VPS13B: variants seen among roughly 807,000 people sequenced by gnomAD.
The protein encoded by VPS13B is intermembrane lipid transfer protein VPS13B.
Under a neutral mutation model 426.4 loss-of-function variants are expected in VPS13B, and 285 were observed. The ratio of observed to expected loss-of-function variants is 0.67; its 90% CI spans 0.61 to 0.74. The LOEUF (loss-of-function observed/expected upper bound fraction) is 0.74, where lower values mean the gene tolerates loss of function less well. Ranked by LOEUF, VPS13B falls within the 30% of genes least tolerant of loss-of-function variation. The pLI is 0.00. For synonymous variants in VPS13B, 1,676 were observed against 1,676.4 expected (o/e 1.00, Z 0.01); for missense variants, 4,537 against 4,782.6 (o/e 0.95, Z 1.51).
At chr8:99,287,857 A>T (rs1376871259) in intron 19 of VPS13B, among the ~76,000 whole-genome samples, 2 of 152,054 alleles carry the variant, frequency 1.3e-5, no homozygotes, top group Non-Finnish European at 2.9e-5. Flanking sequence ...TGTCCATAAA[A>T]GTCTGGCAGG....
intron 33 of VPS13B, among the ~76,000 whole-genome samples, chr8:99,584,680 T>C (rs577824340): frequency 1.3e-5 from 2 of 152,186 alleles, no homozygotes; most frequent in East Asian, 1.9e-4. Flanking sequence ...ATTAGACTTA[T>C]GAGTCCAGGG....
At chr8:99,445,428 G>A (rs184645996) in intron 23 of VPS13B, among the ~76,000 whole-genome samples, 45 of 149,554 alleles carry the variant, frequency 3.0e-4, no homozygotes, top group African/African-American at 1.1e-3. Context: ...TCGCACCACT[G>A]CACTCCAGCC....
At chr8:99,244,225 A>G (rs1009503857) in intron 17 of VPS13B, among the ~76,000 whole-genome samples, 57 of 152,396 alleles carry the variant, frequency 3.7e-4, no homozygotes, top group African/African-American at 1.3e-3. Context: ...AAAGAAGTAT[A>G]ACTGGCATTC....
At chr8:99,560,123 A>ATG (rs1824827487) in intron 31 of VPS13B, among the ~76,000 whole-genome samples, 1 of 152,076 alleles carries the variant, frequency 6.6e-6, no homozygotes, top group African/African-American at 2.4e-5. Context: ...GGTCCTTCCC[A>ATG]TCCCTTGTAA....
intron 40 of VPS13B, among the ~76,000 whole-genome samples, chr8:99,774,326 A>G (rs74917941): frequency 0.038 from 5,816 of 152,274 alleles, 120 homozygotes; most frequent in East Asian, 0.047. Context: ...ACTAATGCTT[A>G]CTGGAGTATG....
chr8:99,549,918 C>A (rs1824188684), intron 30 of VPS13B, among the ~76,000 whole-genome samples: 1 of 152,066 alleles, frequency 6.6e-6, no homozygotes, highest in Admixed American at 6.6e-5. Flanking sequence ...TGTTGCCTTC[C>A]TCTTTCCTGG....
chr8:99,522,222 A>G (rs1028549605), intron 30 of VPS13B, among the ~76,000 whole-genome samples: 3 of 152,152 alleles, frequency 2.0e-5, no homozygotes, highest in Non-Finnish European at 4.4e-5. Context: ...AGAATACTTT[A>G]ATTTTCTAAC....
chr8:99,391,528 A>C (rs768899769), intron 20 of VPS13B, 29 bp from the exon 21 acceptor site: 1 of 1,614,004 alleles, frequency 6.2e-7, no homozygotes, highest in Non-Finnish European at 8.5e-7. Flanking sequence ...ACTAAAAACT[A>C]AAAAGGTTTT....
intron 33 of VPS13B, among the ~76,000 whole-genome samples, chr8:99,639,075 C>T (rs1307669625): frequency 3.3e-5 from 5 of 152,112 alleles, no homozygotes; most frequent in South Asian, 4.1e-4. Flanking sequence ...TCAGTCATTG[C>T]AGTAACTCTC....
At chr8:99,088,768 G>T (rs1206322690) in intron 3 of VPS13B, among the ~76,000 whole-genome samples, 2 of 152,052 alleles carry the variant, frequency 1.3e-5, no homozygotes, top group Non-Finnish European at 2.9e-5. Context: ...TAAATTTCTT[G>T]GACTAATAGG....
rs1554824649 is a variant in VPS13B at position 99,507,138 on chromosome 8, C to A, written c.4159C>A (p.Pro1387Thr). 1.2e-6 allele frequency: 2 copies of A among 1,613,836 alleles called. No homozygotes were observed. The highest frequency in any genetic ancestry group is 1.3e-5 in the African/African-American group (1 of 74,994). The change falls in exon 28 of 62, where the codon CCA (proline) becomes ACA (threonine). Residue 1387 changes from proline (P) to threonine (T), a missense_variant and splice_region_variant. Pro to Thr is a conservative substitution (Grantham distance 38). Around this residue, in one of 2 missense-constraint regions of VPS13B, gnomAD observed 4,311 missense variants for 4,474.3 expected, o/e 0.96. Coordinates refer to ENST00000357162, the MANE Select transcript of VPS13B (RefSeq NM_152564.5). ...SFNIDHYRSR[P>T]GEGWQSGHFE... Reference sequence around the variant, plus strand: ...ATAAGGTGAACTTATGTTTTCCAGGCCAGGGGAAGGTTGGCAGTCAGGACA... The same window carrying A: ...ATAAGGTGAACTTATGTTTTCCAGGACAGGGGAAGGTTGGCAGTCAGGACA...
At chr8:99,384,012 T>C (rs1054028026) in intron 19 of VPS13B, among the ~76,000 whole-genome samples, 196 bp from the exon 20 acceptor site, 25 of 152,194 alleles carry the variant, frequency 1.6e-4, no homozygotes, top group African/African-American at 5.8e-4. Flanking sequence ...AGTTATGCCA[T>C]AGTATTTTCC....
chr8:99,502,998 C>A, intron 27 of VPS13B, 48 bp downstream of exon 27: 1 of 1,378,112 alleles, frequency 7.3e-7, no homozygotes, highest in Non-Finnish European at 1.0e-6. Context: ...TTTCTTTGAA[C>A]AAAGTTACCA....
rs1318161814 is a variant in VPS13B, at chr8:99,859,165, A to C, written c.10868-139A>C. 5 of 1,060,824 alleles carry C rather than the reference A, an allele frequency of 4.7e-6. No individual in the cohort carries two copies. In the Admixed American group the frequency reaches 9.9e-5, roughly 21 times the overall value. The allele number at this position is 1,060,824 out of a possible 1,614,324, so 65.7% of individuals were successfully genotyped here. ...TCACAGAGAATGACTTATTTCCCTT[A>C]TTTTCTTCCAAAGAAACAGATTACT... On this transcript the variant is annotated intron_variant, in intron 56 of 61. Coordinates refer to ENST00000357162, the MANE Select transcript of VPS13B (RefSeq NM_152564.5).
intron 29 of VPS13B, 118 bp from the exon 30 acceptor site, chr8:99,520,781 C>T: frequency 5.9e-6 from 4 of 673,234 alleles, no homozygotes; most frequent in Non-Finnish European, 1.0e-5. Flanking sequence ...TTTACTTTTT[C>T]TTATTTATTG....
chr8:99,531,201 G>A (rs1289304866), intron 30 of VPS13B, among the ~76,000 whole-genome samples: 2 of 152,078 alleles, frequency 1.3e-5, no homozygotes, highest in Non-Finnish European at 2.9e-5. Context: ...GTCCTTGAAG[G>A]TACTTGAACA....
At chr8:99,459,751 CATT>C (rs766862201) in intron 23 of VPS13B, among the ~76,000 whole-genome samples, 9 of 152,094 alleles carry the variant, frequency 5.9e-5, no homozygotes, top group Non-Finnish European at 1.3e-4. Context: ...TTAAGTGAAA[CATT>C]GTTATGTAGC....
chr8:99,780,116 A>G (rs1215341030), intron 42 of VPS13B, among the ~76,000 whole-genome samples: 1 of 152,198 alleles, frequency 6.6e-6, no homozygotes, highest in Non-Finnish European at 1.5e-5. Context: ...AATATTTTTT[A>G]AGGGCATTCC....
chr8:99,695,793 A>C (rs985574359), intron 35 of VPS13B, among the ~76,000 whole-genome samples: 1 of 151,754 alleles, frequency 6.6e-6, no homozygotes, highest in Non-Finnish European at 1.5e-5. Context: ...TGGGACCCTG[A>C]GAGAGCCTGG....
Sources: allele counts gnomAD v4.1 joint callset (sites outside exome capture counted in the v4.1 genomes callset), GRCh38; gene constraint gnomAD v4.1.1; regional missense constraint gnomAD v4.1.1; transcripts MANE v1.5; gene names NCBI Gene and HGNC (gene_info 2026-07-23, HGNC 2026-07-21).